The following PCBP3 variants were observed in gnomAD, a reference collection of about 807,000 sequenced individuals.
The protein encoded by PCBP3 is poly(rC) binding protein 3, also known as poly(rC)-binding protein 3.
Under a neutral mutation model 52.7 loss-of-function variants are expected in PCBP3, and 25 were observed. That is an observed-to-expected ratio of 0.47 (90% CI 0.35 to 0.66). PCBP3 has a LOEUF of 0.66. Among genes scored for constraint, PCBP3 ranks in the 30% least tolerant of loss-of-function variants. PCBP3 has a pLI of 0.01. For synonymous variants in PCBP3, 162 were observed against 183.0 expected (o/e 0.89, Z 0.93); for missense variants, 391 against 490.3 (o/e 0.80, Z 1.91).
At chr21:45,883,301 T>C (rs770489959) in intron 5 of PCBP3, among the ~76,000 whole-genome samples, 1 of 152,218 alleles carries the variant, frequency 6.6e-6, no homozygotes, top group Non-Finnish European at 1.5e-5. Flanking sequence ...GTTTCTTTTA[T>C]GGCCAAGGGT....
At chr21:45,664,211 A>G (rs2080621217) in intron 1 of PCBP3, among the ~76,000 whole-genome samples, 2 of 80,776 alleles carry the variant, frequency 2.5e-5, no homozygotes, top group African/African-American at 4.7e-5. Context: ...ACATATATAC[A>G]GAATAATAAT....
chr21:45,719,823 C>A (rs557422713), intron 2 of PCBP3, among the ~76,000 whole-genome samples: 1 of 152,204 alleles, frequency 6.6e-6, no homozygotes, highest in East Asian at 1.9e-4. Flanking sequence ...GTCATGAACA[C>A]CAAATCTGGA....
intron 5 of PCBP3, chr21:45,872,131 G>C (rs1320749630): frequency 6.6e-6 from 1 of 152,426 alleles, no homozygotes; most frequent in East Asian, 1.9e-4. Flanking sequence ...TGTGGACGAG[G>C]ATGAGGGCTC....
At chr21:45,695,707 A>G (rs1321785026) in intron 2 of PCBP3, among the ~76,000 whole-genome samples, 1 of 152,110 alleles carries the variant, frequency 6.6e-6, no homozygotes, top group Non-Finnish European at 1.5e-5. Context: ...TTCTGTAATT[A>G]TTGTCTCCTG....
intron 13 of PCBP3, among the ~76,000 whole-genome samples, chr21:45,923,180 AC>A (rs2074705064): frequency 6.6e-6 from 1 of 152,106 alleles, no homozygotes; most frequent in Non-Finnish European, 1.5e-5. Flanking sequence ...TTCTCCTCCC[AC>A]TTGTTCTGTG....
chr21:45,885,233 C>T (rs1011517902), intron 5 of PCBP3, among the ~76,000 whole-genome samples: 5 of 152,174 alleles, frequency 3.3e-5, no homozygotes, highest in Non-Finnish European at 5.9e-5. Context: ...TCCTGGCCTC[C>T]GTGCTTCTCG....
intron 13 of PCBP3, among the ~76,000 whole-genome samples, chr21:45,922,909 C>T (rs892021638): frequency 1.3e-5 from 2 of 152,208 alleles, no homozygotes; most frequent in Non-Finnish European, 2.9e-5. Flanking sequence ...GGGAATCAAG[C>T]GGACACCAGT....
chr21:45,692,504 T>G (rs2082543976), intron 2 of PCBP3, among the ~76,000 whole-genome samples: 1 of 152,122 alleles, frequency 6.6e-6, no homozygotes, highest in South Asian at 2.1e-4. Context: ...CTAAACAACT[T>G]TAGCCAGCGT....
In PCBP3 at chr21:45,817,974, G is replaced by A. The variant is rs1324340362; in HGVS notation, c.-125-31987G>A. Among the ~76,000 whole-genome samples, 8 of 152,088 alleles carry A rather than the reference G, an allele frequency of 5.3e-5. No homozygotes were observed. Among genetic ancestry groups the A allele is most frequent in the Admixed American group, 5.2e-4 (8 of 15,284 alleles). ...CCTCATACAGAGCTTCTCCTGTTAC[G>A]TACATCTTGCCTCAAGTGTGGTACA... On this transcript the variant is annotated intron_variant, in intron 4 of 17. Coordinates refer to ENST00000681687, the MANE Select transcript of PCBP3 (RefSeq NM_001384156.1). This position sits in a 1 kb window ranked among gnomAD's most constrained non-coding sequence, Gnocchi z 4.3.
At chr21:45,848,417 G>A (rs1192482059) in intron 4 of PCBP3, 1 of 152,282 alleles carries the variant, frequency 6.6e-6, no homozygotes, top group African/African-American at 2.4e-5. Context: ...TGCCGTGAAC[G>A]GAGAGGGTGA....
intron 4 of PCBP3, among the ~76,000 whole-genome samples, chr21:45,766,584 A>G (rs2089348284): frequency 6.6e-6 from 1 of 152,180 alleles, no homozygotes; most frequent in Non-Finnish European, 1.5e-5. Context: ...GTGTTCTGTT[A>G]TGGCAGCTGA....
intron 16 of PCBP3, among the ~76,000 whole-genome samples, chr21:45,937,726 G>A (rs912141926): frequency 6.6e-6 from 1 of 152,214 alleles, no homozygotes; most frequent in Non-Finnish European, 1.5e-5. Flanking sequence ...CAGGTGGGAG[G>A]TGCCCTTGGG....
chr21:45,679,730 T>G (rs1453926848), intron 2 of PCBP3, among the ~76,000 whole-genome samples: 2 of 152,244 alleles, frequency 1.3e-5, no homozygotes, highest in Non-Finnish European at 2.9e-5. Flanking sequence ...TTAATTTTGA[T>G]GAAGTGCATA....
chr21:45,851,014 A>G (rs982772153), intron 5 of PCBP3, among the ~76,000 whole-genome samples: 5 of 152,250 alleles, frequency 3.3e-5, no homozygotes, highest in African/African-American at 1.2e-4. Flanking sequence ...GACACAGCTA[A>G]AGCAGTGCTT....
At chr21:45,924,338 CGGGTGTGCGTG>C (rs2075016714) in intron 13 of PCBP3, among the ~76,000 whole-genome samples, 3 of 123,990 alleles carry the variant, frequency 2.4e-5, no homozygotes, top group African/African-American at 6.5e-5. Context: ...CACGTAAGAT[CGGGTGTGCGTG>C]AGGAGATGCG....
intron 13 of PCBP3, among the ~76,000 whole-genome samples, chr21:45,923,565 C>T (rs555662685): frequency 2.8e-4 from 43 of 152,264 alleles, no homozygotes; most frequent in African/African-American, 1.0e-3. Context: ...CTTTACAGGA[C>T]CCTCGGGCGA....
intron 4 of PCBP3, among the ~76,000 whole-genome samples, chr21:45,784,981 T>C (rs971564693): frequency 6.9e-6 from 1 of 145,332 alleles, no homozygotes; most frequent in Non-Finnish European, 1.5e-5. Context: ...GTGAGGAGCG[T>C]CTCTGCCCGG....
At chr21:45,753,440 G>A (rs925234167) in intron 3 of PCBP3, among the ~76,000 whole-genome samples, 1 of 151,664 alleles carries the variant, frequency 6.6e-6, no homozygotes. Context: ...CTCTGTATCC[G>A]AGTGTTTTAG....
intron 5 of PCBP3, among the ~76,000 whole-genome samples, chr21:45,855,247 C>A (rs1482212962): frequency 6.6e-6 from 1 of 152,152 alleles, no homozygotes; most frequent in African/African-American, 2.4e-5. Context: ...TTCCCGACTG[C>A]AGGAGGGAAA....
Sources: allele counts gnomAD v4.1 joint callset (sites outside exome capture counted in the v4.1 genomes callset), GRCh38; gene constraint gnomAD v4.1.1; non-coding constraint Gnocchi (gnomAD v3.1); transcripts MANE v1.5; gene names NCBI Gene and HGNC (gene_info 2026-07-23, HGNC 2026-07-21).